NXF1: variants seen among roughly 807,000 people sequenced by gnomAD.
The protein encoded by NXF1 is nuclear RNA export factor 1, also known as mRNA export factor TAP.
NXF1 carries 43 observed loss-of-function variants against 92.4 expected under a neutral mutation model. The ratio of observed to expected loss-of-function variants is 0.47; its 90% CI spans 0.36 to 0.60. NXF1 has a LOEUF of 0.60. Among genes scored for constraint, NXF1 ranks in the 20% least tolerant of loss-of-function variants. The pLI is 0.00. For missense variants in NXF1, 576 were observed against 793.0 expected (o/e 0.73, Z 3.29); for synonymous variants, 288 against 292.2 (o/e 0.99, Z 0.15).
chr11:62,795,231 A>G, intron 17 of NXF1: 1 of 467,078 alleles, frequency 2.1e-6, no homozygotes, highest in African/African-American at 1.9e-5. Flanking sequence ...TAATCCCAGC[A>G]CTTTGGGAGG....
At chr11:62,803,185 G>A (rs770209480) in intron 3 of NXF1, among the ~76,000 whole-genome samples, 1 of 152,094 alleles carries the variant, frequency 6.6e-6, no homozygotes, top group African/African-American at 2.4e-5. Flanking sequence ...CGGGCGTGGT[G>A]GTGGGTGTCT....
intron 10 of NXF1, chr11:62,799,425 G>C (rs2134771416): frequency 7.1e-6 from 7 of 985,712 alleles, no homozygotes; most frequent in Non-Finnish European, 7.2e-6. Flanking sequence ...ACCTCCCTCA[G>C]AAGGTGTGAG....
At chr11:62,804,992 G>A (rs979548859) in intron 1 of NXF1, 18 of 262,178 alleles carry the variant, frequency 6.9e-5, no homozygotes, top group Non-Finnish European at 1.1e-4. Flanking sequence ...TAGGGCATCA[G>A]GGCAGCCCAC....
chr11:62,801,048 C>A, intron 9 of NXF1, 46 bp downstream of exon 9: 1 of 1,421,422 alleles, frequency 7.0e-7, no homozygotes. Flanking sequence ...CTCTCTACAC[C>A]CTCTACCCAC....
rs936227438 is a variant in NXF1, at chr11:62,804,230, G to C, written c.29-252C>G. 4 of 1,470,034 alleles carry C rather than the reference G, an allele frequency of 2.7e-6. No homozygotes were observed. In the African/African-American group the frequency reaches 5.6e-5, roughly 21 times the overall value. 91.1% of individuals were successfully genotyped at this position (1,470,034 alleles called of 1,614,324 possible). On this transcript the variant is annotated intron_variant, in intron 1 of 20. Transcript: ENST00000294172. ...TAGAAACTGGAATTAGAGAGAAGCA[G>C]GATGTAGAAATGTGAGACCCAAAAG...
intron 10 of NXF1, chr11:62,799,062 G>A (rs554476668): frequency 2.2e-5 from 22 of 991,912 alleles, no homozygotes; most frequent in Middle Eastern, 5.0e-4. Flanking sequence ...GAAGAGGAGA[G>A]GCAAAGGAAT....
Position 62,796,455 on chromosome 11 carries a change from C to A in NXF1, c.1286+5G>T. 1 of 1,614,078 alleles carries A rather than the reference C, an allele frequency of 6.2e-7. No homozygotes were observed. Among genetic ancestry groups the A allele is most frequent in the Non-Finnish European group, 8.5e-7 (1 of 1,179,944 alleles). ...CCCGGGCAGATTCTGGGATGTGATA[C>A]TAACCGGGCAGGGTTCTGAGGAATG... On this transcript the variant is annotated splice_donor_5th_base_variant and intron_variant, in intron 14 of 20. Transcript: ENST00000294172.
At position 62,798,436 on chromosome 11, in the gene NXF1, TAAAA is replaced by T. The variant is rs373725740; in HGVS notation, c.1053+99_1053+102del. 30 of 1,181,226 alleles carry T rather than the reference TAAAA, an allele frequency of 2.5e-5. No homozygotes were observed. The African/African-American group carries it at 3.8e-4, about 15-fold the overall frequency. The allele number at this position is 1,181,226 out of a possible 1,614,324, so 73.2% of individuals were successfully genotyped here. A position where few individuals can be genotyped will look rare whatever the true frequency, so the allele number is the denominator to read the frequency against. ...GCGACGAGTGAAACTCCGTCTCAAA[TAAAA>T]AAAAAAAAAAGAAAAAGAAAAAGAA... is the stretch of plus-strand genomic sequence containing the variant. On this transcript the variant is annotated intron_variant, in intron 11 of 20. Transcript: ENST00000294172.
chr11:62,799,468 G>A (rs534716752), intron 10 of NXF1: 1 of 985,684 alleles, frequency 1.0e-6, no homozygotes, highest in African/African-American at 1.7e-5. Flanking sequence ...TGGGGGTGAG[G>A]GTCCATGCCC....
At chr11:62,798,377 T>G (rs1288740276) in intron 11 of NXF1, among the ~76,000 whole-genome samples, 162 bp downstream of exon 11, 1 of 150,884 alleles carries the variant, frequency 6.6e-6, no homozygotes, top group Non-Finnish European at 1.5e-5. Context: ...GAGGTTGCGG[T>G]GAGCTGAAAT....
Position 62,800,265 on chromosome 11 carries a change from G to A in NXF1, c.1016+112C>T, listed in dbSNP as rs544362479. 5.8e-6 allele frequency: 9 copies of A among 1,542,286 alleles called. No homozygotes were observed. The East Asian group carries it at 2.2e-4, about 37-fold the overall frequency. ...CACGCGATCCTCTCAAAGGACAGGT[G>A]GTTCCAGCTCAGGGCTGCACATCTC... On this transcript the variant is annotated intron_variant, in intron 10 of 20. Coordinates refer to ENST00000294172, the MANE Select transcript of NXF1 (RefSeq NM_006362.5).
At chr11:62,796,039 TTC>T in intron 16 of NXF1, 25 bp downstream of exon 16, 1 of 1,386,708 alleles carries the variant, frequency 7.2e-7, no homozygotes, top group East Asian at 3.6e-5. Flanking sequence ...AATTCTAGGC[TTC>T]TGTCAGGCGC....
At chr11:62,794,176 C>CA (rs1280664276) in intron 19 of NXF1, 82 bp downstream of exon 19, 30 of 1,334,190 alleles carry the variant, frequency 2.2e-5, no homozygotes, top group Non-Finnish European at 3.1e-5. Flanking sequence ...AAAAAAAAAA[C>CA]AAAAAAACTG....
intron 3 of NXF1, among the ~76,000 whole-genome samples, chr11:62,802,981 C>T (rs2084495476): frequency 6.6e-6 from 1 of 152,046 alleles, no homozygotes; most frequent in Non-Finnish European, 1.5e-5. Context: ...ATACTGATTC[C>T]TAGGAGAAAA....
chr11:62,798,720 A>G, intron 10 of NXF1, 145 bp from the exon 11 acceptor site: 9 of 1,459,942 alleles, frequency 6.2e-6, no homozygotes, highest in Non-Finnish European at 8.1e-6. Flanking sequence ...GCTCAGGGAA[A>G]AATGGCCCCC....
At chr11:62,798,403 C>T in intron 11 of NXF1, 136 bp downstream of exon 11, 2 of 1,325,842 alleles carry the variant, frequency 1.5e-6, no homozygotes, top group Non-Finnish European at 2.0e-6. Context: ...TGTTGCACTC[C>T]AGCCTGGGCG....
At chr11:62,795,359 C>A in intron 17 of NXF1, 1 of 209,700 alleles carries the variant, frequency 4.8e-6, no homozygotes, top group East Asian at 1.1e-4. Context: ...ACCTGTAGTC[C>A]CAGCTACTCG....
In NXF1 at chr11:62,796,051, C is replaced by CA; in HGVS notation, c.1461+14dup. The CA allele has an allele frequency of 3.7e-6, 6 of 1,612,568 alleles. No homozygotes were observed. Among genetic ancestry groups the CA allele is most frequent in the Non-Finnish European group, 5.1e-6 (6 of 1,179,198 alleles). ...CCCAATTCTAGGCTTCTGTCAGGCG[C>CA]AAGCAGGAGCTTACTGTCTGGGCGC... is the stretch of plus-strand genomic sequence containing the variant. On this transcript the variant is annotated intron_variant, in intron 16 of 20. Transcript: ENST00000294172.
intron 11 of NXF1, 102 bp downstream of exon 11, chr11:62,798,437 A>G (rs563416668): frequency 1.2e-5 from 3 of 242,752 alleles, no homozygotes; most frequent in African/African-American, 7.2e-5. Context: ...CGTCTCAAAT[A>G]AAAAAAAAAA....
Sources: allele counts gnomAD v4.1 joint callset (sites outside exome capture counted in the v4.1 genomes callset), GRCh38; gene constraint gnomAD v4.1.1; transcripts MANE v1.5; gene names NCBI Gene and HGNC (gene_info 2026-07-23, HGNC 2026-07-21).